Variants in MAML3 observed in about 807,000 individuals in gnomAD.
The protein encoded by MAML3 is mastermind-like protein 3.
MAML3 carries 27 observed loss-of-function variants against 101.9 expected under a neutral mutation model. The ratio of observed to expected loss-of-function variants is 0.27; its 90% CI spans 0.20 to 0.37. The LOEUF is 0.37. Among genes scored for constraint, MAML3 ranks in the 10% least tolerant of loss-of-function variants. MAML3 has a pLI of 1.00. For synonymous variants in MAML3, 501 were observed against 555.9 expected (o/e 0.90, Z 1.39); for missense variants, 1,316 against 1,444.9 (o/e 0.91, Z 1.45).
chr4:140,141,608 A>G (rs1052934055), intron 1 of MAML3, among the ~76,000 whole-genome samples: 1 of 152,258 alleles, frequency 6.6e-6, no homozygotes, highest in African/African-American at 2.4e-5. Flanking sequence ...TCCCACTTTC[A>G]CAGAATGAGC....
chr4:139,995,172 C>T (rs961066391), intron 1 of MAML3, among the ~76,000 whole-genome samples: 1 of 152,020 alleles, frequency 6.6e-6, no homozygotes, highest in Admixed American at 6.6e-5. Context: ...GGTTTTTGCC[C>T]ATTAGTCTAT....
chr4:140,083,669 C>G (rs1346727965), intron 1 of MAML3, among the ~76,000 whole-genome samples: 1 of 152,136 alleles, frequency 6.6e-6, no homozygotes, highest in Admixed American at 6.5e-5. Flanking sequence ...TTTAGTTTTA[C>G]CTCTCAGTCT....
chr4:140,000,655 G>C (rs186798134), intron 1 of MAML3, among the ~76,000 whole-genome samples: 2 of 152,274 alleles, frequency 1.3e-5, no homozygotes, highest in Admixed American at 1.3e-4. Context: ...GAAGAATGGC[G>C]GTGGGGAACG....
At chr4:140,030,020 T>G (rs1220355035) in intron 1 of MAML3, among the ~76,000 whole-genome samples, 1 of 151,008 alleles carries the variant, frequency 6.6e-6, no homozygotes, top group African/African-American at 2.5e-5. Flanking sequence ...TAACATTCTG[T>G]GAGTAGGAAG....
intron 1 of MAML3, among the ~76,000 whole-genome samples, chr4:140,029,895 T>C (rs565605518): frequency 6.6e-6 from 1 of 152,316 alleles, no homozygotes; most frequent in South Asian, 2.1e-4. Flanking sequence ...TGAGGAGGAT[T>C]CTGCTTGGTC....
At chr4:139,966,368 C>A (rs904836193) in intron 1 of MAML3, among the ~76,000 whole-genome samples, 7 of 152,254 alleles carry the variant, frequency 4.6e-5, no homozygotes, top group South Asian at 2.1e-4. Flanking sequence ...GCACAGTACA[C>A]CCCCTGCCAT....
chr4:139,794,949 T>C (rs1401934309), intron 2 of MAML3, among the ~76,000 whole-genome samples: 1 of 152,136 alleles, frequency 6.6e-6, no homozygotes, highest in Admixed American at 6.5e-5. Context: ...AACTCCCAAA[T>C]AGCTGAAGTT....
chr4:139,888,235 A>G (rs1273679268), intron 2 of MAML3, among the ~76,000 whole-genome samples: 9 of 152,216 alleles, frequency 5.9e-5, no homozygotes, highest in African/African-American at 2.2e-4. Context: ...GTGAGGCAAG[A>G]TCTGCCTGCG....
At chr4:139,984,982 C>G (rs1372942561) in intron 1 of MAML3, among the ~76,000 whole-genome samples, 1 of 152,214 alleles carries the variant, frequency 6.6e-6, no homozygotes, top group Non-Finnish European at 1.5e-5. Flanking sequence ...CAGAACAAGA[C>G]AGCTGTTGCA....
At chr4:140,070,636 C>T (rs566724797) in intron 1 of MAML3, among the ~76,000 whole-genome samples, 2 of 152,272 alleles carry the variant, frequency 1.3e-5, no homozygotes, top group East Asian at 1.9e-4. Flanking sequence ...AAAAACTCCT[C>T]GAAATACTAC....
intron 2 of MAML3, among the ~76,000 whole-genome samples, chr4:139,778,978 A>G (rs932343307): frequency 4.0e-5 from 5 of 125,464 alleles, no homozygotes; most frequent in Non-Finnish European, 8.6e-5. Flanking sequence ...GCGAGACTCC[A>G]CCTCAAAAAA....
chr4:139,727,016 G>T (rs901261309), intron 3 of MAML3, among the ~76,000 whole-genome samples: 2 of 152,144 alleles, frequency 1.3e-5, no homozygotes, highest in Non-Finnish European at 2.9e-5. Context: ...GGGCTATAAA[G>T]AATATACAAC....
intron 1 of MAML3, among the ~76,000 whole-genome samples, chr4:140,149,762 G>A (rs1729124436): frequency 6.6e-6 from 1 of 152,108 alleles, no homozygotes; most frequent in Non-Finnish European, 1.5e-5. Flanking sequence ...GTGCCTCACT[G>A]GAGTACAACT....
chr4:139,859,925 G>A (rs571866757), intron 2 of MAML3, among the ~76,000 whole-genome samples: 3 of 152,342 alleles, frequency 2.0e-5, no homozygotes, highest in East Asian at 1.9e-4. Context: ...AAACGAGAGC[G>A]GAGAGGCCTG....
chr4:140,036,577 A>G (rs1254407148), intron 1 of MAML3, among the ~76,000 whole-genome samples: 2 of 152,114 alleles, frequency 1.3e-5, no homozygotes, highest in Non-Finnish European at 2.9e-5. Flanking sequence ...GAGTCCAAGC[A>G]CAGCTCCAGC....
chr4:140,012,587 A>C (rs1346307488), intron 1 of MAML3, among the ~76,000 whole-genome samples: 1 of 152,188 alleles, frequency 6.6e-6, no homozygotes, highest in Admixed American at 6.5e-5. Flanking sequence ...TTCACCACCA[A>C]ATAAAATGTT....
intron 2 of MAML3, among the ~76,000 whole-genome samples, chr4:139,802,704 A>G (rs998506261): frequency 7.2e-5 from 11 of 152,204 alleles, no homozygotes; most frequent in African/African-American, 2.7e-4. Context: ...GATGGATGGT[A>G]GAGTGGGGTC....
chr4:139,794,794 A>G (rs1030978924), intron 2 of MAML3, among the ~76,000 whole-genome samples: 3 of 152,214 alleles, frequency 2.0e-5, no homozygotes, highest in Non-Finnish European at 2.9e-5. Context: ...GACACTGCCA[A>G]CAGTCTTTGC....
intron 2 of MAML3, among the ~76,000 whole-genome samples, chr4:139,750,067 G>A (rs1729457128): frequency 6.6e-6 from 1 of 152,124 alleles, no homozygotes; most frequent in Admixed American, 6.5e-5. Context: ...AAACACAGCC[G>A]TGAAACACAC....
Sources: allele counts gnomAD v4.1 joint callset (sites outside exome capture counted in the v4.1 genomes callset), GRCh38; gene constraint gnomAD v4.1.1; transcripts MANE v1.5; gene names NCBI Gene and HGNC (gene_info 2026-07-23, HGNC 2026-07-21).